SYTL2: variants seen among roughly 807,000 people sequenced by gnomAD.
The protein encoded by SYTL2 is synaptotagmin like 2, also known as synaptotagmin-like protein 2.
In SYTL2, 165 loss-of-function variants were observed where a neutral mutation model predicts 198.7. The observed-to-expected ratio is 0.83, with a 90% CI of 0.73 to 0.94. SYTL2 has a LOEUF of 0.94. Among genes scored for constraint, SYTL2 ranks in the 40% least tolerant of loss-of-function variants. The probability of loss-of-function intolerance (pLI) is 0.00; values close to 1 mark genes in which losing one functional copy is unlikely to be tolerated. For synonymous variants in SYTL2, 966 were observed against 917.7 expected, an observed-to-expected ratio of 1.05 and a Z score of -0.95; for missense variants, 2,835 against 2,582.8, an observed-to-expected ratio of 1.10 and a Z score of -2.12.
rs2083141264 is a variant in SYTL2 at position 85,694,312 on chromosome 11, T to C, written c.*883A>G. ...ATTTAAATCAAATGATAATTTATTC[T>C]AAGGGTTTTTACAAAATACGAAAAT... On this transcript the variant is annotated 3_prime_UTR_variant, in exon 20 of 20. Coordinates refer to ENST00000359152, the MANE Select transcript of SYTL2 (RefSeq NM_206927.4). 6.6e-6 allele frequency: 1 copy of C among 152,222 alleles called. No individual in the cohort carries two copies. Among genetic ancestry groups the C allele is most frequent in the South Asian group, 2.1e-4 (1 of 4,832 alleles). The allele number at this position is 152,222 out of a possible 1,614,324, so 9.4% of individuals were successfully genotyped here.
At chr11:85,851,040 G>A in the SYTL2 span, among the ~76,000 whole-genome samples, 2 of 118,086 alleles carry the variant, frequency 1.7e-5, no homozygotes, top group South Asian at 3.5e-4. Context: ...GTGGGGGGAG[G>A]GGGGAGGGAT....
chr11:85,773,505 G>C (rs2092396875), intron 1 of SYTL2, among the ~76,000 whole-genome samples: 2 of 152,146 alleles, frequency 1.3e-5, no homozygotes, highest in Admixed American at 1.3e-4. Flanking sequence ...AGTGGAGTTA[G>C]AGTCTCCTCC....
the SYTL2 span, among the ~76,000 whole-genome samples, chr11:85,822,014 G>C: frequency 6.6e-6 from 1 of 152,218 alleles, no homozygotes; most frequent in Admixed American, 6.5e-5. Context: ...GGTGCTCAAA[G>C]ACTCATTTAT....
At position 85,789,324 on chromosome 11, in the gene SYTL2, A is replaced by ATGTG. The variant is rs1173699592; in HGVS notation, c.-390+21626_-390+21629dup. Among the ~76,000 whole-genome samples, 301 of 77,198 alleles carry ATGTG rather than the reference A, an allele frequency of 3.9e-3. 9 individuals carry two copies. The highest frequency in any genetic ancestry group is 0.01 in the African/African-American group (168 of 16,754). 50.6% of individuals were successfully genotyped at this position (77,198 alleles called of 152,430 possible). On this transcript the variant is annotated intron_variant, in intron 1 of 19. Coordinates refer to ENST00000359152, the MANE Select transcript of SYTL2 (RefSeq NM_206927.4). ...ATTTATTTATATGATGTGTGTGTGT[A>ATGTG]TGTGTGTGTGTGTGTGTATATATAT...
chr11:85,797,652 G>GAAAA (rs966583362), intron 1 of SYTL2, among the ~76,000 whole-genome samples: 19 of 150,714 alleles, frequency 1.3e-4, no homozygotes, highest in Non-Finnish European at 2.4e-4. Flanking sequence ...AAAAGAAAAA[G>GAAAA]AAAAAGAAAA....
intron 2 of SYTL2, among the ~76,000 whole-genome samples, chr11:85,752,276 C>G (rs2091558542): frequency 6.6e-6 from 1 of 152,086 alleles, no homozygotes; most frequent in African/African-American, 2.4e-5. Context: ...TTTGGAGGTG[C>G]TCTCAGATGT....
At chr11:85,818,676 T>TCTAC in the SYTL2 span, among the ~76,000 whole-genome samples, 1 of 150,772 alleles carries the variant, frequency 6.6e-6, no homozygotes, top group African/African-American at 2.5e-5. Flanking sequence ...TATCTATCTA[T>TCTAC]CTATCTATCT....
At chr11:85,709,281 T>C (rs775134298) in intron 14 of SYTL2, 50 bp downstream of exon 14, 14 of 1,567,542 alleles carry the variant, frequency 8.9e-6, no homozygotes, top group African/African-American at 4.1e-5. Flanking sequence ...TCCTGTAAGA[T>C]TGACAGTTGG....
intron 7 of SYTL2, among the ~76,000 whole-genome samples, chr11:85,731,215 TCA>T (rs1300920992): frequency 6.6e-6 from 1 of 152,174 alleles, no homozygotes; most frequent in Non-Finnish European, 1.5e-5. Flanking sequence ...TTGACTCTCA[TCA>T]CAGAATTAGA....
the SYTL2 span, among the ~76,000 whole-genome samples, chr11:85,848,666 T>C: frequency 6.6e-6 from 1 of 152,246 alleles, no homozygotes; most frequent in Admixed American, 6.5e-5. Context: ...TTTGTCCTTT[T>C]GTGTTCATAT....
At position 85,808,011 on chromosome 11, in the gene SYTL2, C is replaced by T. The variant is rs150565660; in HGVS notation, c.-390+2943G>A. ...TAGATGCAAAGAAAAAGATTTGGAA[C>T]GCTATATCCCAAGTTTTGCTTTAAT... On this transcript the variant is annotated intron_variant, in intron 1 of 19. Transcript: ENST00000359152. Among the ~76,000 whole-genome samples, 83 of 152,130 alleles carry T rather than the reference C, an allele frequency of 5.5e-4. 1 individual carries two copies. In the East Asian group the frequency reaches 0.014, roughly 25 times the overall value.
At chr11:85,816,915 CAA>C in the SYTL2 span, among the ~76,000 whole-genome samples, 10 of 80,906 alleles carry the variant, frequency 1.2e-4, no homozygotes, top group Admixed American at 1.5e-4. Flanking sequence ...AACCCTGTCT[CAA>C]AAAAAAAAAA....
intron 1 of SYTL2, among the ~76,000 whole-genome samples, chr11:85,795,564 C>T (rs2092791953): frequency 6.6e-6 from 1 of 151,996 alleles, no homozygotes; most frequent in Non-Finnish European, 1.5e-5. Context: ...TTGTTTTTTA[C>T]TATAATGTGC....
chr11:85,757,506 C>T (rs1238833353), intron 2 of SYTL2, 119 bp downstream of exon 2: 4 of 1,136,026 alleles, frequency 3.5e-6, no homozygotes, highest in Non-Finnish European at 1.2e-6. Flanking sequence ...AAATTGGAAT[C>T]CATAAATTCA....
intron 15 of SYTL2, among the ~76,000 whole-genome samples, chr11:85,706,316 C>A (rs960237270): frequency 3.9e-5 from 6 of 152,134 alleles, no homozygotes; most frequent in Non-Finnish European, 7.3e-5. Context: ...ATCTGAGGTG[C>A]CCAAAGACAC....
At chr11:85,740,556 T>G (rs2090707692) in intron 4 of SYTL2, among the ~76,000 whole-genome samples, 1 of 152,238 alleles carries the variant, frequency 6.6e-6, no homozygotes. Context: ...TAGAGCCAGA[T>G]ACTGTGTCTT....
intron 14 of SYTL2, among the ~76,000 whole-genome samples, chr11:85,708,632 G>A (rs2085643985): frequency 6.6e-6 from 1 of 152,030 alleles, no homozygotes; most frequent in South Asian, 2.1e-4. Context: ...TGTGTCCCAT[G>A]TATCCCTAAT....
intron 4 of SYTL2, among the ~76,000 whole-genome samples, chr11:85,745,264 C>T (rs893531760): frequency 2.0e-5 from 3 of 151,998 alleles, no homozygotes; most frequent in African/African-American, 7.2e-5. Context: ...TAGGCTGTTA[C>T]AATCTGATCA....
chr11:85,815,485 C>G (rs953480092), upstream of SYTL2, among the ~76,000 whole-genome samples: 1 of 152,158 alleles, frequency 6.6e-6, no homozygotes, highest in African/African-American at 2.4e-5. Context: ...AAAACTTTGG[C>G]CTTGAATCAA....
Sources: allele counts gnomAD v4.1 joint callset (sites outside exome capture counted in the v4.1 genomes callset), GRCh38; gene constraint gnomAD v4.1.1; transcripts MANE v1.5; gene names NCBI Gene and HGNC (gene_info 2026-07-23, HGNC 2026-07-21).